PLEK: variants seen among roughly 807,000 people sequenced by gnomAD.
PLEK encodes platelet 47 kDa protein.
Under a neutral mutation model 43.9 loss-of-function variants are expected in PLEK, and 25 were observed. The ratio of observed to expected loss-of-function variants is 0.57; its 90% CI spans 0.41 to 0.79. The LOEUF is 0.79. Ranked by LOEUF, PLEK falls within the 30% of genes least tolerant of loss-of-function variation. The probability of loss-of-function intolerance (pLI) is 0.00; values close to 1 mark genes in which losing one functional copy is unlikely to be tolerated. For missense variants in PLEK, 396 were observed against 413.3 expected, an observed-to-expected ratio of 0.96 and a Z score of 0.36; for synonymous variants, 152 against 144.4, an observed-to-expected ratio of 1.05 and a Z score of -0.38.
At chr2:68,373,336 A>C (rs1673444604) in intron 1 of PLEK, among the ~76,000 whole-genome samples, 1 of 151,964 alleles carries the variant, frequency 6.6e-6, no homozygotes, top group African/African-American at 2.4e-5. Flanking sequence ...GTGCATAATG[A>C]CCCTGAATCC....
chr2:68,393,222 C>A lies in PLEK; in HGVS notation c.823C>A (p.Leu275Met). Residue 275 changes from leucine (L) to methionine (M), a missense_variant, in exon 7 of 9, where the codon CTG becomes ATG. Leu to Met is a conservative substitution (Grantham distance 15). Coordinates refer to ENST00000234313, the MANE Select transcript of PLEK (RefSeq NM_002664.3). ...CATCTTGAGAGAAGACCCTGCCTAC[C>A]TGCACTACTATGACCCTGCTGGGGT... ...KFILREDPAY[L>M]HYYDPAGAED... 6.2e-7 allele frequency: 1 copy of A among 1,610,856 alleles called. No homozygotes were observed. The highest frequency in any genetic ancestry group is 8.5e-7 in the Non-Finnish European group (1 of 1,176,996).
chr2:68,380,523 G>A (rs751287437), intron 2 of PLEK, 40 bp downstream of exon 2: 3 of 1,594,660 alleles, frequency 1.9e-6, no homozygotes, highest in Admixed American at 1.7e-5. Flanking sequence ...CCCTGGTCAG[G>A]CACTCAACTT....
At position 68,386,681 on chromosome 2, in the gene PLEK, T is replaced by G; in HGVS notation, c.652T>G (p.Tyr218Asp). Reference protein sequence around the residue: ...PFLDNPDAFYYFPDSGFFCEE... With the variant: ...PFLDNPDAFYDFPDSGFFCEE... ...CCTGGACAACCCTGATGCCTTCTAC[T>G]ACTTTGTAAGAAAAGCTCCCCATCT... Residue 218 changes from tyrosine (Y) to aspartate (D), a missense_variant, in exon 5 of 9, where the codon TAC becomes GAC. By Grantham distance (160) the Tyr-to-Asp change is radical (BLOSUM62 -3). Transcript: ENST00000234313. 6.2e-7 allele frequency: 1 copy of G among 1,611,498 alleles called. No individual in the cohort carries two copies. The highest frequency in any genetic ancestry group is 8.5e-7 in the Non-Finnish European group (1 of 1,177,970).
Position 68,394,118 on chromosome 2 carries a change from C to A in PLEK, c.858C>A (p.Pro286=). ...CCTTTCTTCTTTAGGCAGAAGATCC[C>A]CTGGGAGCAATTCACTTGAGAGGCT... The part of the protein sequence containing the change: ...HYYDPAGAED[P]LGAIHLRGCV... The change falls in exon 8 of 9, where the codon CCC becomes CCA. Residue 286 remains proline (P), a synonymous_variant. Coordinates refer to ENST00000234313, the MANE Select transcript of PLEK (RefSeq NM_002664.3). 1 of 1,606,950 alleles carries A rather than the reference C, an allele frequency of 6.2e-7. No homozygotes were observed. The highest frequency in any genetic ancestry group is 8.5e-7 in the Non-Finnish European group (1 of 1,173,630).
intron 3 of PLEK, 51 bp from the exon 4 acceptor site, chr2:68,382,491 A>G (rs1476868179): frequency 2.7e-6 from 3 of 1,110,346 alleles, no homozygotes; most frequent in East Asian, 4.7e-5. Flanking sequence ...CACTCATCCA[A>G]CTGGGTTTTT....
chr2:68,370,263 T>C (rs934185818), intron 1 of PLEK, among the ~76,000 whole-genome samples: 39 of 152,124 alleles, frequency 2.6e-4, no homozygotes, highest in Admixed American at 2.6e-3. Flanking sequence ...GCCTTCACTT[T>C]GTAGGGAGTG....
intron 6 of PLEK, among the ~76,000 whole-genome samples, chr2:68,392,530 T>C (rs984928417): frequency 2.0e-5 from 3 of 152,240 alleles, no homozygotes; most frequent in Non-Finnish European, 4.4e-5. Context: ...TTGCCTCTGC[T>C]ACTCTTCATG....
intron 6 of PLEK, among the ~76,000 whole-genome samples, chr2:68,390,494 T>C (rs1318273869): frequency 6.6e-6 from 1 of 152,204 alleles, no homozygotes; most frequent in Non-Finnish European, 1.5e-5. Flanking sequence ...GGAATTTTGT[T>C]CTTTTACAAT....
chr2:68,393,480 A>G (rs1329504940), intron 7 of PLEK, among the ~76,000 whole-genome samples: 1 of 152,154 alleles, frequency 6.6e-6, no homozygotes, highest in Non-Finnish European at 1.5e-5. Context: ...TCACTATATT[A>G]TAATTTATTT....
rs1673951527 is a variant in PLEK, at chr2:68,395,775, T to TG, written c.1014dup (p.Ile339AspfsTer58). The TG allele has an allele frequency of 6.2e-7, 1 of 1,613,506 alleles. No homozygotes were observed. Among genetic ancestry groups the TG allele is most frequent in the African/African-American group, 1.3e-5 (1 of 74,896 alleles). On this transcript the variant is annotated frameshift_variant, in exon 9 of 9. Coordinates refer to ENST00000234313, the MANE Select transcript of PLEK (RefSeq NM_002664.3). LOFTEE classifies it high-confidence loss of function. Reference sequence around the variant, plus strand: ...AGCCACCCCCAAGGAGCGCACAGAGTGGATCAGAGCCATCCAGATGGCCTC... The same window carrying TG: ...AGCCACCCCCAAGGAGCGCACAGAGTGGGATCAGAGCCATCCAGATGGCCTC...
At chr2:68,388,237 A>G (rs901278706) in intron 5 of PLEK, 150 bp from the exon 6 acceptor site, 2 of 567,294 alleles carry the variant, frequency 3.5e-6, no homozygotes, top group Non-Finnish European at 6.5e-6. Flanking sequence ...CTCATCAAGG[A>G]CCTTTGAAGT....
chr2:68,369,846 T>G (rs1447124990), intron 1 of PLEK, among the ~76,000 whole-genome samples: 1 of 152,234 alleles, frequency 6.6e-6, no homozygotes, highest in African/African-American at 2.4e-5. Context: ...GCACTCTCTG[T>G]GCCATTTCTG....
chr2:68,373,346 C>T (rs1275251859), intron 1 of PLEK, among the ~76,000 whole-genome samples: 3 of 151,950 alleles, frequency 2.0e-5, no homozygotes, highest in African/African-American at 7.2e-5. Context: ...ACCCTGAATC[C>T]CAAATGACAC....
chr2:68,366,181 C>T (rs1481876998), intron 1 of PLEK, among the ~76,000 whole-genome samples: 2 of 152,232 alleles, frequency 1.3e-5, no homozygotes, highest in Non-Finnish European at 2.9e-5. Flanking sequence ...GATATGCTCA[C>T]ACTAACCTTA....
At position 68,378,998 on chromosome 2, in the gene PLEK, G is replaced by A. The variant is rs572582430; in HGVS notation, c.43-1330G>A. On this transcript the variant is annotated intron_variant, in intron 1 of 8. Transcript: ENST00000234313. ...ATAACATAAATATTAGCTGGGTGTG[G>A]TTGTGCACACCTGTAATCCCAGCTA... is the stretch of plus-strand genomic sequence containing the variant. Among the ~76,000 whole-genome samples, 14 of 152,228 alleles carry A rather than the reference G, an allele frequency of 9.2e-5. No homozygotes were observed. The South Asian group carries it at 2.9e-3, about 32-fold the overall frequency.
chr2:68,365,496 C>A, intron 1 of PLEK, 103 bp downstream of exon 1: 1 of 960,196 alleles, frequency 1.0e-6, no homozygotes, highest in Non-Finnish European at 1.7e-6. Context: ...GTTTCCTGTT[C>A]AACCAGTTGG....
intron 6 of PLEK, among the ~76,000 whole-genome samples, chr2:68,388,761 A>G (rs570966366): frequency 1.3e-5 from 2 of 152,232 alleles, no homozygotes; most frequent in Admixed American, 1.3e-4. Flanking sequence ...CAAGAAAAAT[A>G]TGGCCGGAGG....
chr2:68,368,849 C>T (rs1271335355), intron 1 of PLEK, among the ~76,000 whole-genome samples: 1 of 152,270 alleles, frequency 6.6e-6, no homozygotes. Context: ...GGCGCAGCAG[C>T]GCTGACTCAG....
At chr2:68,380,036 T>A (rs981706032) in intron 1 of PLEK, among the ~76,000 whole-genome samples, 13 of 152,204 alleles carry the variant, frequency 8.5e-5, no homozygotes, top group Non-Finnish European at 1.2e-4. Context: ...GTGGCTAAGC[T>A]GAGCCTTGAA....
Sources: allele counts gnomAD v4.1 joint callset (sites outside exome capture counted in the v4.1 genomes callset), GRCh38; gene constraint gnomAD v4.1.1; transcripts MANE v1.5; gene names NCBI Gene and HGNC (gene_info 2026-07-23, HGNC 2026-07-21).